The following KLC1 variants were observed in gnomAD, a reference collection of about 807,000 sequenced individuals.
The protein encoded by KLC1 is kinesin 2 60/70kDa.
KLC1 carries 30 observed loss-of-function variants against 84.2 expected under a neutral mutation model. The ratio of observed to expected loss-of-function variants is 0.36; its 90% CI spans 0.27 to 0.48. The LOEUF (loss-of-function observed/expected upper bound fraction) is 0.48, where lower values mean the gene tolerates loss of function less well. KLC1 is among the 20% of genes least tolerant of loss of function. KLC1 has a pLI of 0.99. For missense variants in KLC1, 499 were observed against 805.4 expected (o/e 0.62, Z 4.60); for synonymous variants, 289 against 293.3 (o/e 0.99, Z 0.15).
chr14:103,639,125 A>C (rs2077290135), intron 1 of KLC1, among the ~76,000 whole-genome samples: 1 of 152,146 alleles, frequency 6.6e-6, no homozygotes, highest in African/African-American at 2.4e-5. Context: ...ACACATTTGA[A>C]AATGCTCCCA....
At chr14:103,679,599 T>C in intron 13 of KLC1, 54 bp downstream of exon 13, 2 of 1,355,642 alleles carry the variant, frequency 1.5e-6, no homozygotes, top group Middle Eastern at 1.8e-4. Flanking sequence ...CAAGTGGCGC[T>C]TGCCAGGCCT....
intron 15 of KLC1, chr14:103,698,860 A>AG (rs780557423): frequency 1.0e-5 from 16 of 1,607,374 alleles, no homozygotes; most frequent in Non-Finnish European, 1.4e-5. Context: ...TAGGAACAGG[A>AG]GGAGGGGGGC....
At chr14:103,651,953 G>T (rs1321497599) in intron 1 of KLC1, among the ~76,000 whole-genome samples, 22 of 152,196 alleles carry the variant, frequency 1.4e-4, no homozygotes, top group Admixed American at 1.3e-3. Context: ...AGGTCTTTGT[G>T]CACCTGCTTG....
intron 1 of KLC1, among the ~76,000 whole-genome samples, chr14:103,648,865 A>T (rs1314919698): frequency 2.0e-5 from 3 of 151,804 alleles, no homozygotes; most frequent in Non-Finnish European, 4.4e-5. Flanking sequence ...GGCTGGGTGC[A>T]GTGGCTCATG....
At chr14:103,697,285 G>A (rs1039222014) in intron 15 of KLC1, 14 of 254,208 alleles carry the variant, frequency 5.5e-5, no homozygotes, top group East Asian at 1.8e-4. Context: ...AGGTTTAAAC[G>A]GATTGTCCCA....
intron 1 of KLC1, among the ~76,000 whole-genome samples, chr14:103,638,207 C>CT (rs1299267909): frequency 1.3e-5 from 2 of 152,272 alleles, no homozygotes; most frequent in East Asian, 3.9e-4. Flanking sequence ...GAAAAAACCT[C>CT]TGTTTTCTTC....
At chr14:103,699,573 T>G (rs895011234) in intron 15 of KLC1, 1 of 1,613,146 alleles carries the variant, frequency 6.2e-7, no homozygotes, top group Non-Finnish European at 8.5e-7. Flanking sequence ...TCCAACAAGG[T>G]GTCCTGTGGG....
At chr14:103,655,973 T>C (rs10135248) in intron 2 of KLC1, among the ~76,000 whole-genome samples, 49,044 of 152,004 alleles carry the variant, frequency 0.32, 8,304 homozygotes, top group Middle Eastern at 0.41. Flanking sequence ...AAATAAGTAC[T>C]GAGGTACACT....
At chr14:103,640,875 A>G (rs1383866137) in intron 1 of KLC1, among the ~76,000 whole-genome samples, 1 of 152,108 alleles carries the variant, frequency 6.6e-6, no homozygotes, top group African/African-American at 2.4e-5. Context: ...TTACTGTGAT[A>G]CATTTGTGAC....
At chr14:103,649,851 G>A (rs1262607749) in intron 1 of KLC1, among the ~76,000 whole-genome samples, 1 of 151,854 alleles carries the variant, frequency 6.6e-6, no homozygotes, top group Non-Finnish European at 1.5e-5. Flanking sequence ...GCCCACCATC[G>A]CGCCCGGCTA....
At chr14:103,670,332 G>T in intron 7 of KLC1, 49 bp downstream of exon 7, 3 of 1,334,810 alleles carry the variant, frequency 2.2e-6, no homozygotes, top group Non-Finnish European at 2.1e-6. Context: ...TGTTTTGTGT[G>T]TGTGTGGTTT....
intron 1 of KLC1, among the ~76,000 whole-genome samples, chr14:103,630,461 A>C (rs1305927279): frequency 6.6e-6 from 1 of 152,184 alleles, no homozygotes; most frequent in African/African-American, 2.4e-5. Context: ...AAAATTTGAG[A>C]TATACTATTT....
intron 15 of KLC1, chr14:103,698,762 C>T: frequency 6.4e-7 from 1 of 1,555,172 alleles, no homozygotes; most frequent in South Asian, 1.2e-5. Context: ...TGTGTCGGGG[C>T]TTCTCAGGCA....
chr14:103,699,373 G>A (rs373638417), intron 15 of KLC1: 5 of 1,607,342 alleles, frequency 3.1e-6, no homozygotes, highest in Non-Finnish European at 8.5e-7. Context: ...CCTGGTTGAT[G>A]CACAGCACAG....
At chr14:103,689,193 T>G (rs771443712) in intron 14 of KLC1, among the ~76,000 whole-genome samples, 1 of 152,158 alleles carries the variant, frequency 6.6e-6, no homozygotes, top group Non-Finnish European at 1.5e-5. Flanking sequence ...CACTGATTGT[T>G]TGAGGTTCTT....
chr14:103,694,954 G>T lies in KLC1; in HGVS notation c.1848+2529G>T. ...AAGCTCCGTGTAGTCGCCAGCGGGT[G>T]CCTGGCCCAGGAGCTGCCCTGTGGA... On this transcript the variant is annotated intron_variant, in intron 15 of 16. Coordinates refer to ENST00000334553, the MANE Select transcript of KLC1 (RefSeq NM_001394837.1). The surrounding 1 kb of genome is among the most constrained non-coding windows in gnomAD (Gnocchi z 4.5). 6.1e-6 allele frequency: 6 copies of T among 985,432 alleles called. No homozygotes were observed. The highest frequency in any genetic ancestry group is 1.7e-5 in the African/African-American group (1 of 57,364). The allele number at this position is 985,432 out of a possible 1,614,324, so 61.0% of individuals were successfully genotyped here.
At chr14:103,687,250 C>A in intron 14 of KLC1, 39 bp downstream of exon 14, 1 of 1,499,020 alleles carries the variant, frequency 6.7e-7, no homozygotes, top group South Asian at 1.2e-5. Flanking sequence ...CCCTGCACGC[C>A]GGCTGCTGGG....
At chr14:103,634,276 G>A (rs2076893655) in intron 1 of KLC1, among the ~76,000 whole-genome samples, 1 of 152,092 alleles carries the variant, frequency 6.6e-6, no homozygotes, top group South Asian at 2.1e-4. Flanking sequence ...CAGTGTCGGT[G>A]CTTGGCGTGT....
chr14:103,696,991 C>T (rs2082583350), intron 15 of KLC1: 1 of 985,478 alleles, frequency 1.0e-6, no homozygotes, highest in Non-Finnish European at 1.2e-6. Context: ...ACTGAGCCAG[C>T]ATGGGCGGGG....
Sources: gnomAD v4.1 joint callset for allele counts (sites outside exome capture counted in the v4.1 genomes callset) on GRCh38, gnomAD v4.1.1 for gene constraint, Gnocchi (gnomAD v3.1) non-coding constraint, MANE v1.5 for transcripts, NCBI Gene and HGNC (gene_info 2026-07-23, HGNC 2026-07-21) for gene names.